ARPP21: variants seen among roughly 807,000 people sequenced by gnomAD.
ARPP21 encodes cAMP-regulated phosphoprotein 21.
In ARPP21, 69 loss-of-function variants were observed where a neutral mutation model predicts 113.2. That is an observed-to-expected ratio of 0.61 (90% CI 0.50 to 0.74). The LOEUF (loss-of-function observed/expected upper bound fraction) is 0.74, where lower values mean the gene tolerates loss of function less well. ARPP21 is among the 30% of genes least tolerant of loss of function. The pLI is 0.00. For synonymous variants in ARPP21, 368 were observed against 375.5 expected (o/e 0.98, Z 0.23); for missense variants, 1,070 against 1,037.4 (o/e 1.03, Z -0.43).
At chr3:35,657,035 G>A (rs187696324) in intron 1 of ARPP21, among the ~76,000 whole-genome samples, 16 of 152,102 alleles carry the variant, frequency 1.1e-4, no homozygotes, top group Admixed American at 2.0e-4. Context: ...TTTGGAATTT[G>A]GAAAAATCTG....
In ARPP21 at chr3:35,738,319, G is replaced by T. The variant is rs2094474582; in HGVS notation, c.1749+1G>T. On this transcript the variant is annotated splice_donor_variant, in intron 17 of 20. Transcript: ENST00000684406. LOFTEE classifies it high-confidence loss of function. ...GTCTCCAACGCAGCACTTTCCCATG[G>T]TACTGTATTATGTGTATATGACTTT... 2 of 1,523,794 alleles carry T rather than the reference G, an allele frequency of 1.3e-6. No homozygotes were observed. The highest frequency in any genetic ancestry group is 2.8e-5 in the African/African-American group (2 of 72,682). 94.4% of individuals were successfully genotyped at this position (1,523,794 alleles called of 1,614,324 possible). A position where few individuals can be genotyped will look rare whatever the true frequency, so the allele number is the denominator to read the frequency against.
intron 7 of ARPP21, among the ~76,000 whole-genome samples, 159 bp downstream of exon 7, chr3:35,689,544 C>G (rs1181305603): frequency 6.6e-6 from 1 of 151,506 alleles, no homozygotes; most frequent in Non-Finnish European, 1.5e-5. Flanking sequence ...TAATCGTTTG[C>G]ATGTTTACTT....
At chr3:35,758,631 C>T (rs1021989869) in intron 19 of ARPP21, among the ~76,000 whole-genome samples, 2 of 151,942 alleles carry the variant, frequency 1.3e-5, no homozygotes, top group African/African-American at 2.4e-5. Flanking sequence ...TTCCCCAGCA[C>T]CCTTCAGCCC....
At position 35,690,743 on chromosome 3, in the gene ARPP21, G is replaced by C. The variant is rs1429510724; in HGVS notation, c.546-122G>C. On this transcript the variant is annotated intron_variant, in intron 8 of 20. Coordinates refer to ENST00000684406, the MANE Select transcript of ARPP21 (RefSeq NM_001385562.1). ...GAAATTAGGACATTAAGTGATGCCAGAAATGCAATAGGCTTAGTGGTTTAG... is the reference window on the plus strand; with the variant it reads ...GAAATTAGGACATTAAGTGATGCCACAAATGCAATAGGCTTAGTGGTTTAG... 1.7e-5 allele frequency: 15 copies of C among 890,602 alleles called. No homozygotes were observed. In the Admixed American group the frequency reaches 4.4e-4, roughly 26 times the overall value. The allele number at this position is 890,602 out of a possible 1,614,324, so 55.2% of individuals were successfully genotyped here. A position where few individuals can be genotyped will look rare whatever the true frequency, so the allele number is the denominator to read the frequency against.
intron 19 of ARPP21, among the ~76,000 whole-genome samples, chr3:35,747,535 G>T (rs946707515): frequency 6.6e-6 from 1 of 152,098 alleles, no homozygotes; most frequent in African/African-American, 2.4e-5. Flanking sequence ...GCATTATCAG[G>T]TACCTCCAAT....
intron 19 of ARPP21, among the ~76,000 whole-genome samples, chr3:35,786,104 T>C (rs1185404164): frequency 6.6e-6 from 1 of 152,226 alleles, no homozygotes. Flanking sequence ...GCTATTTTAC[T>C]TCATATATAA....
At chr3:35,683,213 A>G (rs949619269) in intron 4 of ARPP21, among the ~76,000 whole-genome samples, 3 of 151,654 alleles carry the variant, frequency 2.0e-5, no homozygotes, top group African/African-American at 7.3e-5. Context: ...TAGAGATTTG[A>G]CAGTATTTTA....
At chr3:35,714,397 T>C (rs1318859999) in intron 11 of ARPP21, among the ~76,000 whole-genome samples, 1 of 152,236 alleles carries the variant, frequency 6.6e-6, no homozygotes, top group Non-Finnish European at 1.5e-5. Context: ...CAGGATCTTT[T>C]AAGTCAATAA....
At chr3:35,704,388 A>C (rs1341129129) in intron 9 of ARPP21, among the ~76,000 whole-genome samples, 1 of 151,878 alleles carries the variant, frequency 6.6e-6, no homozygotes, top group Non-Finnish European at 1.5e-5. Flanking sequence ...AATGGAAATG[A>C]TATTTTTAAA....
At chr3:35,695,886 A>G (rs2149738785) in intron 9 of ARPP21, among the ~76,000 whole-genome samples, 1 of 151,688 alleles carries the variant, frequency 6.6e-6, no homozygotes, top group African/African-American at 2.4e-5. Flanking sequence ...TACTGAAGAG[A>G]ATATGTACCA....
chr3:35,708,561 C>T (rs2090025906), intron 10 of ARPP21, among the ~76,000 whole-genome samples: 1 of 152,256 alleles, frequency 6.6e-6, no homozygotes, highest in African/African-American at 2.4e-5. Context: ...CCCTCAGCTA[C>T]CTTGAACTAG....
intron 9 of ARPP21, among the ~76,000 whole-genome samples, chr3:35,704,896 T>C (rs1048329545): frequency 6.6e-6 from 1 of 152,078 alleles, no homozygotes; most frequent in African/African-American, 2.4e-5. Context: ...GTTAGTGCTT[T>C]AATGCTTTTC....
chr3:35,685,027 A>G (rs1313239699), intron 5 of ARPP21: 26 of 984,710 alleles, frequency 2.6e-5, no homozygotes, highest in Non-Finnish European at 3.1e-5. Flanking sequence ...ATGTTGATTG[A>G]TGGCTTGTAA....
chr3:35,771,039 A>G (rs2096181574), intron 19 of ARPP21, among the ~76,000 whole-genome samples: 1 of 152,218 alleles, frequency 6.6e-6, no homozygotes, highest in African/African-American at 2.4e-5. Flanking sequence ...AAACTGCGGA[A>G]TAGTTGGATA....
chr3:35,675,720 A>G (rs368859060), intron 1 of ARPP21, among the ~76,000 whole-genome samples: 3 of 151,850 alleles, frequency 2.0e-5, no homozygotes, highest in Admixed American at 6.6e-5. Flanking sequence ...CATTTTCTCT[A>G]TCTAACCTTT....
chr3:35,695,621 T>G (rs2083693785), intron 9 of ARPP21, among the ~76,000 whole-genome samples: 1 of 151,488 alleles, frequency 6.6e-6, no homozygotes, highest in South Asian at 2.1e-4. Flanking sequence ...ACAGATTCAT[T>G]GGGGACTACC....
At chr3:35,656,807 T>C (rs751178311) in intron 1 of ARPP21, among the ~76,000 whole-genome samples, 1 of 152,020 alleles carries the variant, frequency 6.6e-6, no homozygotes, top group Non-Finnish European at 1.5e-5. Flanking sequence ...TCAAATTTAC[T>C]GTATAATAGT....
rs891411626 is a variant in ARPP21, at chr3:35,725,417, G to A, written c.1225+3583G>A. 2.6e-5 allele frequency among the ~76,000 whole-genome samples: 4 copies of A among 152,146 alleles called. No individual in the cohort carries two copies. The East Asian group carries it at 5.8e-4, about 22-fold the overall frequency. ...GTGAAAAGTTTGGTCAAGCTGAGGG[G>A]AACATTAAGGTCATCTTCCTTACCA... On this transcript the variant is annotated intron_variant, in intron 14 of 20. Coordinates refer to ENST00000684406, the MANE Select transcript of ARPP21 (RefSeq NM_001385562.1).
chr3:35,725,807 C>G (rs1176663750), intron 14 of ARPP21, among the ~76,000 whole-genome samples: 1 of 152,126 alleles, frequency 6.6e-6, no homozygotes. Context: ...CTGTGGCTAC[C>G]CCCTAGGGTT....
Sources: gnomAD v4.1 joint callset for allele counts (sites outside exome capture counted in the v4.1 genomes callset) on GRCh38, gnomAD v4.1.1 for gene constraint, MANE v1.5 for transcripts, NCBI Gene and HGNC (gene_info 2026-07-23, HGNC 2026-07-21) for gene names.